The following ATXN7L3 variants were observed in gnomAD, a reference collection of about 807,000 sequenced individuals.
ATXN7L3 encodes ataxin-7-like protein 3.
ATXN7L3 carries 6 observed loss-of-function variants against 50.0 expected under a neutral mutation model. The observed-to-expected ratio is 0.12, with a 90% CI of 0.07 to 0.24. The LOEUF is 0.24. Ranked by LOEUF, ATXN7L3 falls within the 10% of genes least tolerant of loss-of-function variation. ATXN7L3 has a pLI of 1.00. For missense variants in ATXN7L3, 322 were observed against 451.3 expected, an observed-to-expected ratio of 0.71 and a Z score of 2.60; for synonymous variants, 198 against 165.8, an observed-to-expected ratio of 1.19 and a Z score of -1.49.
chr17:44,197,093 C>T (rs1034131466), intron 4 of ATXN7L3, 67 bp from the exon 5 acceptor site: 9 of 1,554,672 alleles, frequency 5.8e-6, no homozygotes, highest in African/African-American at 1.4e-5. Context: ...GTGGTCACCC[C>T]GCTCTGCCCC....
At position 44,198,078 on chromosome 17, in the gene ATXN7L3, C is replaced by T; in HGVS notation, c.-8G>A. Reference sequence around the variant, plus strand: ...CATTTCCTCCATTTTCATTTGTAAACTCTTGTGGAGACGGCGCTCTGACTG... The same window carrying T: ...CATTTCCTCCATTTTCATTTGTAAATTCTTGTGGAGACGGCGCTCTGACTG... On this transcript the variant is annotated 5_prime_UTR_variant, in exon 2 of 13. Coordinates refer to ENST00000587097, the MANE Select transcript of ATXN7L3 (RefSeq NM_001382309.1). 2 of 1,614,030 alleles carry T rather than the reference C, an allele frequency of 1.2e-6. No homozygotes were observed. Among genetic ancestry groups the T allele is most frequent in the Non-Finnish European group, 1.7e-6 (2 of 1,179,936 alleles).
In ATXN7L3 at chr17:44,195,392, CCTT is replaced by C. The variant is rs750477749; in HGVS notation, c.621+24_621+26del. 13 of 1,609,350 alleles carry C rather than the reference CCTT, an allele frequency of 8.1e-6. No homozygotes were observed. In the East Asian group the frequency reaches 2.9e-4, roughly 36 times the overall value. On this transcript the variant is annotated intron_variant, in intron 9 of 12. Transcript: ENST00000587097. ...TATGGCTCCAGCCCACTCCCAGGGA[CCTT>C]CTCTCTTGCTGGTCCTCCCTCACCG... is the stretch of plus-strand genomic sequence containing the variant.
rs1454361191 is a variant in ATXN7L3, at chr17:44,193,071, G to A, written c.*1192C>T. 6.6e-6 allele frequency: 1 copy of A among 152,302 alleles called. No individual in the cohort carries two copies. Among genetic ancestry groups the A allele is most frequent in the East Asian group, 1.9e-4 (1 of 5,202 alleles). The allele number at this position is 152,302 out of a possible 1,614,324, so 9.4% of individuals were successfully genotyped here. On this transcript the variant is annotated 3_prime_UTR_variant, in exon 13 of 13. Transcript: ENST00000587097. ...ACTGGCATGACAGTCCCACAGAGGG[G>A]CAGTGACACCCCTTCCCCTCCACTG...
intron 6 of ATXN7L3, 63 bp from the exon 7 acceptor site, chr17:44,196,142 G>T: frequency 1.3e-6 from 2 of 1,542,382 alleles, no homozygotes; most frequent in African/African-American, 1.4e-5. Context: ...CGAGAACCCA[G>T]GGAAGGAAAA....
chr17:44,194,887 C>A (rs756479733), intron 10 of ATXN7L3, 48 bp from the exon 11 acceptor site: 2 of 1,599,692 alleles, frequency 1.3e-6, no homozygotes, highest in Admixed American at 1.7e-5. Context: ...TCAGGTAAAG[C>A]CCCTCCCCTC....
chr17:44,195,786 C>T lies in ATXN7L3; in HGVS notation c.552+14G>A, dbSNP rs753267185. The T allele has an allele frequency of 1.6e-5, 25 of 1,599,126 alleles. No homozygotes were observed. Among genetic ancestry groups the T allele is most frequent in the Admixed American group, 6.7e-5 (4 of 59,874 alleles). On this transcript the variant is annotated intron_variant, in intron 8 of 12. Transcript: ENST00000587097. ...GGACAATGAGAGCAAGCATGAGGGG[C>T]GGCCCATACTCACCTTAAAAGGATC...
chr17:44,197,206 C>T (rs141852522), intron 4 of ATXN7L3, 22 bp downstream of exon 4: 113 of 1,579,234 alleles, frequency 7.2e-5, no homozygotes, highest in Non-Finnish European at 8.4e-5. Context: ...CTGCAGAGAA[C>T]GGGCAGCTCT....
At position 44,194,143 on chromosome 17, in the gene ATXN7L3, G is replaced by T; in HGVS notation, c.*120C>A. 1.5e-6 allele frequency: 2 copies of T among 1,353,898 alleles called. No individual in the cohort carries two copies. The highest frequency in any genetic ancestry group is 2.0e-6 in the Non-Finnish European group (2 of 992,324). 83.9% of individuals were successfully genotyped at this position (1,353,898 alleles called of 1,614,324 possible). ...GCATAATCGGATCCTCTGCCTGCCT[G>T]GCCCACCAAGCTTCCCAAGCCCCAA... On this transcript the variant is annotated 3_prime_UTR_variant, in exon 13 of 13. Coordinates refer to ENST00000587097, the MANE Select transcript of ATXN7L3 (RefSeq NM_001382309.1).
rs2055734960 is a variant in ATXN7L3, at chr17:44,192,638, A to T, written c.*1625T>A. ...CGGGATTTATTCTAACTCCTGCCAA[A>T]ATCTGTTTGGCTTTTTAAAAAATAA... On this transcript the variant is annotated 3_prime_UTR_variant, in exon 13 of 13. Coordinates refer to ENST00000587097, the MANE Select transcript of ATXN7L3 (RefSeq NM_001382309.1). 1 of 152,114 alleles carries T rather than the reference A, an allele frequency of 6.6e-6. No homozygotes were observed. The highest frequency in any genetic ancestry group is 6.6e-5 in the Admixed American group (1 of 15,266). The allele number at this position is 152,114 out of a possible 1,614,324, so 9.4% of individuals were successfully genotyped here.
At chr17:44,194,863 G>T in intron 10 of ATXN7L3, 24 bp from the exon 11 acceptor site, 1 of 1,613,122 alleles carries the variant, frequency 6.2e-7, no homozygotes, top group African/African-American at 1.3e-5. Flanking sequence ...AAGGCAGGGA[G>T]GGTTCTGAGG....
chr17:44,194,314 C>T lies in ATXN7L3; in HGVS notation c.993G>A (p.Lys331=). Residue 331 remains lysine, a synonymous_variant, in exon 13 of 13, where the codon AAG becomes AAA. Coordinates refer to ENST00000587097, the MANE Select transcript of ATXN7L3 (RefSeq NM_001382309.1). ...GCGTCGGGGGTGCCGGTGGCTTTGG[C>T]TTCTTCTTCTTGTTGGAACCTAGGC... ...ASGLGSNKKK[K]PKPPAPPTPS... 1 of 1,614,086 alleles carries T rather than the reference C, an allele frequency of 6.2e-7. No homozygotes were observed.
chr17:44,192,158 G>C lies in ATXN7L3; in HGVS notation c.*2105C>G, dbSNP rs1567770864. 1 of 152,210 alleles carries C rather than the reference G, an allele frequency of 6.6e-6. No homozygotes were observed. The allele number at this position is 152,210 out of a possible 1,614,324, so 9.4% of individuals were successfully genotyped here. On this transcript the variant is annotated 3_prime_UTR_variant, in exon 13 of 13. Coordinates refer to ENST00000587097, the MANE Select transcript of ATXN7L3 (RefSeq NM_001382309.1). ...TTGAAACCCACACAGCCTGCTGTTA[G>C]AGGGAGGGGAGTGGGGAGCTCCTAG...
At position 44,194,575 on chromosome 17, in the gene ATXN7L3, G is replaced by A. The variant is rs201728777; in HGVS notation, c.837C>T (p.Asp279=). ...AGGAGCCTGAATCAGAGGGTGAGAGGTCAGAGGAGCCGTCCCACTGAAGCC... is the reference window on the plus strand; with the variant it reads ...AGGAGCCTGAATCAGAGGGTGAGAGATCAGAGGAGCCGTCCCACTGAAGCC... ...ISRLQWDGSS[D]LSPSDSGSSK... is the part of the protein sequence containing the mutation. The change falls in exon 12 of 13, where the codon GAC becomes GAT. Residue 279 remains aspartate, a synonymous_variant. Transcript: ENST00000587097. 147 of 1,613,814 alleles carry A rather than the reference G, an allele frequency of 9.1e-5. No homozygotes were observed. The highest frequency in any genetic ancestry group is 9.1e-4 in the African/African-American group (68 of 74,998).
At position 44,194,425 on chromosome 17, in the gene ATXN7L3, G is replaced by C. The variant is rs558965053; in HGVS notation, c.896-14C>G. The C allele has an allele frequency of 1.2e-6, 2 of 1,613,992 alleles. No individual in the cohort carries two copies. Among genetic ancestry groups the C allele is most frequent in the African/African-American group, 2.7e-5 (2 of 75,010 alleles). On this transcript the variant is annotated splice_polypyrimidine_tract_variant and intron_variant, in intron 12 of 12. Transcript: ENST00000587097. ...AGCTGTTGGTACCTGTAGAGAAAGA[G>C]ACACAAGGGATGAGAGTATGGTTAT...
intron 10 of ATXN7L3, 114 bp downstream of exon 10, chr17:44,194,983 G>A: frequency 2.7e-6 from 4 of 1,459,910 alleles, no homozygotes; most frequent in Non-Finnish European, 3.8e-6. Context: ...CATCATTAGA[G>A]GAGGGAAGGG....
intron 10 of ATXN7L3, 59 bp from the exon 11 acceptor site, chr17:44,194,898 G>A (rs1598194882): frequency 4.4e-6 from 7 of 1,583,850 alleles, no homozygotes; most frequent in East Asian, 2.2e-5. Flanking sequence ...CCCTCCCCTC[G>A]GCAAGGCAGG....
Position 44,196,957 on chromosome 17 carries a change from G to A in ATXN7L3, c.426C>T (p.Asn142=), listed in dbSNP as rs767865771. The change falls in exon 5 of 13, where the codon AAC becomes AAT. Residue 142 remains asparagine (N), a synonymous_variant. Transcript: ENST00000587097. The stretch of plus-strand genomic sequence containing the variant: ...TCTTCTCCGAGCCATAGGACCAGTC[G>A]TTGTCATTGATGTCATCATTATCTT... ...DQEDNDDIND[N]DWSYGSEKKA... 13 of 1,613,138 alleles carry A rather than the reference G, an allele frequency of 8.1e-6. No homozygotes were observed. The highest frequency in any genetic ancestry group is 6.6e-5 in the South Asian group (6 of 91,048).
chr17:44,196,244 C>CAG, intron 6 of ATXN7L3, 152 bp downstream of exon 6: 1 of 814,742 alleles, frequency 1.2e-6, no homozygotes, highest in Non-Finnish European at 1.9e-6. Flanking sequence ...CCCCCTTCCC[C>CAG]ACCCACACTC....
rs780252085 is a variant in ATXN7L3 at position 44,194,291 on chromosome 17, G to A, written c.1016C>T (p.Thr339Met). Reference sequence around the variant, plus strand: ...GTTGATGTCATCATAGATGCTGGGCGTCGGGGGTGCCGGTGGCTTTGGCTT... The same window carrying A: ...GTTGATGTCATCATAGATGCTGGGCATCGGGGGTGCCGGTGGCTTTGGCTT... ...KKKPKPPAPP[T>M]PSIYDDIN Residue 339 changes from threonine to methionine, a missense_variant, in exon 13 of 13, where the codon ACG becomes ATG. Coordinates refer to ENST00000587097, the MANE Select transcript of ATXN7L3 (RefSeq NM_001382309.1). 29 of 1,614,082 alleles carry A rather than the reference G, an allele frequency of 1.8e-5. No individual in the cohort carries two copies. The highest frequency in any genetic ancestry group is 6.7e-5 in the East Asian group (3 of 44,898).
Sources: gnomAD v4.1 joint callset for allele counts on GRCh38, gnomAD v4.1.1 for gene constraint, MANE v1.5 for transcripts, NCBI Gene and HGNC (gene_info 2026-07-23, HGNC 2026-07-21) for gene names.